Variants in PAK1 observed in about 807,000 individuals in gnomAD.
PAK1 encodes p21 (RAC1) activated kinase 1.
PAK1 carries 29 observed loss-of-function variants against 67.4 expected under a neutral mutation model. That is an observed-to-expected ratio of 0.43 (90% CI 0.32 to 0.59). The LOEUF (loss-of-function observed/expected upper bound fraction) is 0.59, where lower values mean the gene tolerates loss of function less well. PAK1 is among the 20% of genes least tolerant of loss of function. The pLI, the probability that PAK1 is intolerant of heterozygous loss-of-function variation, is 0.07. For missense variants in PAK1, 337 were observed against 670.7 expected (o/e 0.50, Z 5.50); for synonymous variants, 223 against 237.4 (o/e 0.94, Z 0.56).
At chr11:77,338,721 A>G (rs1217084320) in intron 11 of PAK1, among the ~76,000 whole-genome samples, 1 of 152,200 alleles carries the variant, frequency 6.6e-6, no homozygotes, top group Non-Finnish European at 1.5e-5. Flanking sequence ...CCAAATGTCC[A>G]TTCTATTACT....
rs1398287150 is a variant in PAK1 at position 77,380,084 on chromosome 11, T to C, written c.191-90A>G. On this transcript the variant is annotated intron_variant, in intron 2 of 14. Transcript: ENST00000356341. The stretch of plus-strand genomic sequence containing the variant: ...GCTCTTTATTGAGCTGTAGTCTCCT[T>C]GAGAGGGCAAAGTCTATCTATTAAT... 2 of 861,956 alleles carry C rather than the reference T, an allele frequency of 2.3e-6. 1 individual carries two copies. Among genetic ancestry groups the C allele is most frequent in the South Asian group, 3.2e-5 (2 of 62,744 alleles). The allele number at this position is 861,956 out of a possible 1,614,324, so 53.4% of individuals were successfully genotyped here.
At position 77,410,125 on chromosome 11, in the gene PAK1, T is replaced by C. The variant is rs115180818; in HGVS notation, c.-21-17584A>G. ...CATCCCTGCTATCCTCCCTCTTCTTTCCTGGGCTACCTCCTTTCCTCCAGA... is the reference window on the plus strand; with the variant it reads ...CATCCCTGCTATCCTCCCTCTTCTTCCCTGGGCTACCTCCTTTCCTCCAGA... On this transcript the variant is annotated intron_variant, in intron 1 of 14. Coordinates refer to ENST00000356341, the MANE Select transcript of PAK1 (RefSeq NM_002576.5). Among the ~76,000 whole-genome samples the C allele has an allele frequency of 5.2e-3, 797 of 152,196 alleles. 9 individuals carry two copies. The highest frequency in any genetic ancestry group is 0.018 in the African/African-American group (749 of 41,512).
intron 14 of PAK1, chr11:77,325,231 TTCC>T: frequency 6.8e-7 from 1 of 1,473,428 alleles, no homozygotes; most frequent in Non-Finnish European, 9.4e-7. Context: ...CCCTAAGGGC[TTCC>T]AGTTGTGATA....
At chr11:77,484,427 A>G in the PAK1 span, among the ~76,000 whole-genome samples, 6 of 152,196 alleles carry the variant, frequency 3.9e-5, no homozygotes, top group Admixed American at 1.3e-4. Flanking sequence ...TTAGTGCTCA[A>G]CCTGTATTCT....
intron 5 of PAK1, among the ~76,000 whole-genome samples, chr11:77,369,911 T>G (rs1948191278): frequency 6.6e-6 from 1 of 152,230 alleles, no homozygotes; most frequent in Non-Finnish European, 1.5e-5. Flanking sequence ...TGGGGCTAAT[T>G]TTCCTTCCTT....
chr11:77,460,488 G>A lies in PAK1; in HGVS notation c.-22+13064C>T, dbSNP rs189002338. On this transcript the variant is annotated intron_variant, in intron 1 of 14. Transcript: ENST00000356341. ...AAGTTGTAAATAGCTATTTTAAAAA[G>A]ACTAGCTTTGAAGGAAAGCAGAGAT... Among the ~76,000 whole-genome samples the A allele has an allele frequency of 1.1e-4, 17 of 151,894 alleles. No individual in the cohort carries two copies. The East Asian group carries it at 3.3e-3, about 29-fold the overall frequency.
chr11:77,529,915 G>C, the PAK1 span: 1 of 152,376 alleles, frequency 6.6e-6, no homozygotes, highest in Non-Finnish European at 1.5e-5. Context: ...GAGGAGCCAG[G>C]CCAAAGAGTT....
At chr11:77,498,293 A>T in the PAK1 span, among the ~76,000 whole-genome samples, 2 of 152,240 alleles carry the variant, frequency 1.3e-5, no homozygotes, top group African/African-American at 2.4e-5. Context: ...TAAATCTAAA[A>T]TTATTCCAAA....
chr11:77,332,210 A>T (rs1006861941), intron 14 of PAK1, among the ~76,000 whole-genome samples: 29 of 146,622 alleles, frequency 2.0e-4, no homozygotes, highest in African/African-American at 7.1e-4. Context: ...TGGGAGGCTG[A>T]GGTGGGAAGA....
intron 8 of PAK1, among the ~76,000 whole-genome samples, chr11:77,351,948 A>G (rs2136430825): frequency 6.6e-6 from 1 of 152,064 alleles, no homozygotes; most frequent in South Asian, 2.1e-4. Context: ...ATTTTTATAT[A>G]TGTACACACC....
the PAK1 span, among the ~76,000 whole-genome samples, chr11:77,504,991 G>C: frequency 6.6e-6 from 1 of 152,212 alleles, no homozygotes; most frequent in African/African-American, 2.4e-5. Context: ...CAGCCTGATA[G>C]CCTAGTGGAG....
intron 2 of PAK1, among the ~76,000 whole-genome samples, chr11:77,382,419 T>A (rs1429402610): frequency 6.6e-6 from 1 of 152,198 alleles, no homozygotes; most frequent in African/African-American, 2.4e-5. Flanking sequence ...TGGAATGCTC[T>A]CTTCTCCTTC....
intron 1 of PAK1, among the ~76,000 whole-genome samples, chr11:77,436,652 A>G (rs1191519194): frequency 1.3e-5 from 2 of 152,264 alleles, no homozygotes; most frequent in African/African-American, 4.8e-5. Flanking sequence ...GAAATAAACA[A>G]TCTAATTATA....
intron 4 of PAK1, among the ~76,000 whole-genome samples, chr11:77,378,452 G>A (rs528756217): frequency 5.3e-5 from 8 of 152,196 alleles, no homozygotes; most frequent in African/African-American, 1.7e-4. Context: ...TTAGTTCCCT[G>A]AGGAAGACAT....
chr11:77,348,238 C>T (rs1426702198), intron 9 of PAK1, among the ~76,000 whole-genome samples: 5 of 152,164 alleles, frequency 3.3e-5, no homozygotes, highest in African/African-American at 1.2e-4. Flanking sequence ...GTGCCTCTCT[C>T]AATTATTGTG....
chr11:77,484,034 A>G, the PAK1 span, among the ~76,000 whole-genome samples: 14 of 152,178 alleles, frequency 9.2e-5, no homozygotes, highest in Admixed American at 9.2e-4. Context: ...TTAGGAAATG[A>G]AAAATAGAGC....
Position 77,392,500 on chromosome 11 carries a change from G to A in PAK1, c.21C>T (p.Asp7=), listed in dbSNP as rs761763717. Residue 7 remains aspartate (D), a synonymous_variant, in exon 2 of 15, where the codon GAC becomes GAT. Transcript: ENST00000356341. ...GAGGGGCTGGGGGTTTGTCTTGAAT[G>A]TCTAGGCCGTTATTTGACATTGTCA... The part of the protein sequence containing the change: MSNNGL[D]IQDKPPAPPM... 18 of 1,604,684 alleles carry A rather than the reference G, an allele frequency of 1.1e-5. No individual in the cohort carries two copies. The highest frequency in any genetic ancestry group is 1.7e-6 in the Non-Finnish European group (2 of 1,173,850).
chr11:77,506,193 C>T, the PAK1 span, among the ~76,000 whole-genome samples: 1 of 152,154 alleles, frequency 6.6e-6, no homozygotes, highest in Non-Finnish European at 1.5e-5. Flanking sequence ...ATTACAGCAA[C>T]CCTGTAAGAG....
At chr11:77,430,213 T>C (rs956290384) in intron 1 of PAK1, among the ~76,000 whole-genome samples, 4 of 151,266 alleles carry the variant, frequency 2.6e-5, no homozygotes, top group Admixed American at 6.6e-5. Context: ...TTGGGGGTTA[T>C]AGAAAAAAAA....
Sources: gnomAD v4.1 joint callset for allele counts (sites outside exome capture counted in the v4.1 genomes callset) on GRCh38, gnomAD v4.1.1 for gene constraint, MANE v1.5 for transcripts, NCBI Gene and HGNC (gene_info 2026-07-23, HGNC 2026-07-21) for gene names.